SUSD1: variants seen among roughly 807,000 people sequenced by gnomAD.
SUSD1 encodes the protein sushi domain containing 1.
A neutral mutation model predicts 86.9 loss-of-function variants in SUSD1; 65 were observed. The observed-to-expected ratio is 0.75, with a 90% CI of 0.61 to 0.92. SUSD1 has a LOEUF of 0.92. Among genes scored for constraint, SUSD1 ranks in the 40% least tolerant of loss-of-function variants. The pLI, the probability that SUSD1 is intolerant of heterozygous loss-of-function variation, is 0.00. For missense variants in SUSD1, 850 were observed against 929.7 expected (o/e 0.91, Z 1.11); for synonymous variants, 346 against 350.0 (o/e 0.99, Z 0.13).
At position 112,102,230 on chromosome 9, in the gene SUSD1, A is replaced by C. The variant is rs1222366429; in HGVS notation, c.1227T>G (p.Thr409=). Residue 409 remains threonine (T), a synonymous_variant, in exon 9 of 17, where the codon ACT becomes ACG. Coordinates refer to ENST00000374270, the MANE Select transcript of SUSD1 (RefSeq NM_022486.5). ...TAGAACGCCTGTTCAATTTCAAACA[A>C]GTTTCATTAAATATTGAAATATTGA... The part of the protein sequence containing the change: ...GSFNISIFNE[T]CLKLNRRSRK... 6.2e-7 allele frequency: 1 copy of C among 1,604,444 alleles called. No homozygotes were observed. Among genetic ancestry groups the C allele is most frequent in the Non-Finnish European group, 8.5e-7 (1 of 1,175,804 alleles).
chr9:112,138,266 C>CACATATATATATATGTGTGTATAT (rs1554770381), intron 5 of SUSD1, among the ~76,000 whole-genome samples: 1 of 62,862 alleles, frequency 1.6e-5, no homozygotes, highest in African/African-American at 7.3e-5. Flanking sequence ...TGTGTATATA[C>CACATATATATATATGTGTGTATAT]ATATATATAT....
intron 2 of SUSD1, among the ~76,000 whole-genome samples, chr9:112,151,730 C>T (rs558302814): frequency 2.6e-4 from 40 of 151,894 alleles, no homozygotes; most frequent in African/African-American, 8.9e-4. Flanking sequence ...GGTGAAACCC[C>T]GTCTCTACTA....
Position 112,080,205 on chromosome 9 carries a change from T to C in SUSD1, c.1475-40A>G, listed in dbSNP as rs373500000. On this transcript the variant is annotated intron_variant, in intron 10 of 16. Coordinates refer to ENST00000374270, the MANE Select transcript of SUSD1 (RefSeq NM_022486.5). ...AAATGAGAAATCAATTTACACTCTA[T>C]AGAAAAAATGCTACCTTTTAATTGA... is the stretch of plus-strand genomic sequence containing the variant. 16 of 1,444,516 alleles carry C rather than the reference T, an allele frequency of 1.1e-5. No homozygotes were observed. In the Admixed American group the frequency reaches 2.2e-4, roughly 20 times the overall value. 89.5% of individuals were successfully genotyped at this position (1,444,516 alleles called of 1,614,324 possible).
intron 1 of SUSD1, among the ~76,000 whole-genome samples, chr9:112,172,536 T>C (rs1834089059): frequency 6.6e-6 from 1 of 152,216 alleles, no homozygotes; most frequent in Non-Finnish European, 1.5e-5. Context: ...TCAAGTCTAT[T>C]GATTTCATCT....
chr9:112,132,171 C>T lies in SUSD1; in HGVS notation c.707-7735G>A, dbSNP rs143838990. On this transcript the variant is annotated intron_variant, in intron 5 of 16. Transcript: ENST00000374270. The stretch of plus-strand genomic sequence containing the variant: ...CTGCTGTTTATTATACGCATCAGCA[C>T]AATAACATAGATTGATGACAGAAAG... Among the ~76,000 whole-genome samples, 708 of 152,126 alleles carry T rather than the reference C, an allele frequency of 4.7e-3. 4 individuals are homozygous for T. Among genetic ancestry groups the T allele is most frequent in the African/African-American group, 0.016 (671 of 41,470 alleles).
chr9:112,156,293 C>G (rs2131816713), intron 2 of SUSD1, among the ~76,000 whole-genome samples: 1 of 152,154 alleles, frequency 6.6e-6, no homozygotes, highest in East Asian at 1.9e-4. Flanking sequence ...GAAACCCAGT[C>G]TCTACTAAAA....
intron 10 of SUSD1, among the ~76,000 whole-genome samples, chr9:112,085,901 C>T (rs1298285355): frequency 6.6e-6 from 1 of 152,118 alleles, no homozygotes; most frequent in Non-Finnish European, 1.5e-5. Context: ...CCACTGCATT[C>T]CAGCCTGGGT....
chr9:112,078,815 T>C (rs914234775), intron 11 of SUSD1, 91 bp from the exon 12 acceptor site: 13 of 924,302 alleles, frequency 1.4e-5, no homozygotes, highest in South Asian at 1.2e-4. Context: ...CTTTCTCTTT[T>C]TTTTTTTTTT....
At chr9:112,154,122 A>G (rs914457884) in intron 2 of SUSD1, among the ~76,000 whole-genome samples, 1 of 152,274 alleles carries the variant, frequency 6.6e-6, no homozygotes, top group Middle Eastern at 3.4e-3. Flanking sequence ...TAACCAAAAC[A>G]TCGTTATATG....
chr9:112,163,309 C>A (rs1045995207), intron 1 of SUSD1, among the ~76,000 whole-genome samples: 1 of 152,042 alleles, frequency 6.6e-6, no homozygotes, highest in Non-Finnish European at 1.5e-5. Flanking sequence ...GCACATCCCA[C>A]CACACCTGGC....
rs190243985 is a variant in SUSD1, at chr9:112,174,662, C to A, written c.103+471G>T. Among the ~76,000 whole-genome samples the A allele has an allele frequency of 2.1e-3, 318 of 152,320 alleles. 2 individuals are homozygous for A. Among genetic ancestry groups the A allele is most frequent in the African/African-American group, 7.2e-3 (300 of 41,570 alleles). ...GCGTCTTTCTCACCATATTTAGCAT[C>A]CGGCTCTCTAACAACGTGAAAAAAT... On this transcript the variant is annotated intron_variant, in intron 1 of 16. Coordinates refer to ENST00000374270, the MANE Select transcript of SUSD1 (RefSeq NM_022486.5).
chr9:112,119,707 C>T (rs1261706918), intron 6 of SUSD1, among the ~76,000 whole-genome samples: 2 of 152,194 alleles, frequency 1.3e-5, no homozygotes, highest in Non-Finnish European at 2.9e-5. Flanking sequence ...CATCAAGCTT[C>T]CACCTGGGGT....
In SUSD1 at chr9:112,149,278, CTTG is replaced by C. The variant is rs763060983; in HGVS notation, c.336_338del (p.Asn112del). The C allele has an allele frequency of 1.4e-5, 23 of 1,614,076 alleles. No homozygotes were observed. The highest frequency in any genetic ancestry group is 5.5e-5 in the South Asian group (5 of 91,086). On this transcript the variant is annotated inframe_deletion, in exon 3 of 17. Transcript: ENST00000374270. ...AGGTGCCATCGTTGGGAATGAATGT[CTTG>C]TTGTTGTTTGTGGCTCGATATCCTT...
intron 10 of SUSD1, among the ~76,000 whole-genome samples, chr9:112,085,602 G>C (rs968355785): frequency 4.5e-4 from 69 of 152,164 alleles, no homozygotes; most frequent in African/African-American, 1.6e-3. Flanking sequence ...AATAGGTTAC[G>C]GGAATTCAGA....
intron 1 of SUSD1, among the ~76,000 whole-genome samples, chr9:112,170,710 T>TATAGAGAGAG (rs758442726): frequency 1.7e-3 from 198 of 113,816 alleles, no homozygotes; most frequent in African/African-American, 3.9e-3. Context: ...TATATATATA[T>TATAGAGAGAG]AGAGAGAGAG....
At chr9:112,165,272 C>T (rs1004578958) in intron 1 of SUSD1, among the ~76,000 whole-genome samples, 3 of 152,148 alleles carry the variant, frequency 2.0e-5, no homozygotes, top group Non-Finnish European at 2.9e-5. Context: ...GGATATCCAT[C>T]TCTTTCAGTA....
chr9:112,100,658 C>T (rs1297712919), intron 9 of SUSD1, among the ~76,000 whole-genome samples: 2 of 151,370 alleles, frequency 1.3e-5, no homozygotes, highest in Admixed American at 1.3e-4. Context: ...ATGGCAAAAC[C>T]CCATCTTTAC....
chr9:112,072,915 C>A (rs1451913852), intron 12 of SUSD1, among the ~76,000 whole-genome samples: 3 of 152,194 alleles, frequency 2.0e-5, no homozygotes, highest in Non-Finnish European at 4.4e-5. Context: ...GCCAGGGGGG[C>A]CCCCAGGGAT....
At chr9:112,072,670 T>C (rs1170686142) in intron 12 of SUSD1, among the ~76,000 whole-genome samples, 3 of 152,186 alleles carry the variant, frequency 2.0e-5, no homozygotes, top group African/African-American at 4.8e-5. Flanking sequence ...AGCCATTTAC[T>C]TGGGGGCTTG....
Sources: gnomAD v4.1 joint callset for allele counts (sites outside exome capture counted in the v4.1 genomes callset) on GRCh38, gnomAD v4.1.1 for gene constraint, MANE v1.5 for transcripts, NCBI Gene and HGNC (gene_info 2026-07-23, HGNC 2026-07-21) for gene names.